The following EFL1 variants were observed in gnomAD, a reference collection of about 807,000 sequenced individuals.
EFL1 encodes elongation factor-like GTPase 1.
Under a neutral mutation model 126.7 loss-of-function variants are expected in EFL1, and 76 were observed. The observed-to-expected ratio is 0.60, with a 90% CI of 0.50 to 0.73. The LOEUF is 0.73. Among genes scored for constraint, EFL1 ranks in the 30% least tolerant of loss-of-function variants. The pLI is 0.00. For missense variants in EFL1, 1,128 were observed against 1,343.2 expected (o/e 0.84, Z 2.50); for synonymous variants, 410 against 448.4 (o/e 0.91, Z 1.08).
At chr15:82,235,500 T>C (rs909475514) in intron 7 of EFL1, among the ~76,000 whole-genome samples, 3 of 152,100 alleles carry the variant, frequency 2.0e-5, no homozygotes, top group African/African-American at 7.2e-5. Flanking sequence ...TAAAAATCAA[T>C]TGTATATAAA....
At chr15:82,145,873 CTT>C (rs2073840254) in intron 18 of EFL1, among the ~76,000 whole-genome samples, 1 of 148,692 alleles carries the variant, frequency 6.7e-6, no homozygotes, top group African/African-American at 2.5e-5. Context: ...CCAAAAAACT[CTT>C]AACTAGTACT....
chr15:82,257,974 C>A (rs977989884), intron 3 of EFL1, among the ~76,000 whole-genome samples: 1 of 152,154 alleles, frequency 6.6e-6, no homozygotes, highest in Non-Finnish European at 1.5e-5. Context: ...TTTCACTCAA[C>A]CTAGTTTTCT....
chr15:82,243,538 T>C (rs546650559), intron 4 of EFL1, among the ~76,000 whole-genome samples: 5 of 38,442 alleles, frequency 1.3e-4, no homozygotes, highest in African/African-American at 5.6e-4. Context: ...CTCCAGACTT[T>C]AGAGTGGGAG....
At chr15:82,141,647 C>T (rs551082377) in intron 18 of EFL1, among the ~76,000 whole-genome samples, 4 of 143,864 alleles carry the variant, frequency 2.8e-5, no homozygotes, top group African/African-American at 7.8e-5. Flanking sequence ...GCACTCCAAC[C>T]TGGGCAATAG....
chr15:82,138,441 T>A (rs2141212827), intron 19 of EFL1, among the ~76,000 whole-genome samples: 2 of 151,630 alleles, frequency 1.3e-5, no homozygotes, highest in South Asian at 4.2e-4. Context: ...TGTGTGTGTG[T>A]GTGTGTGTGT....
At chr15:82,187,907 A>G (rs2074319321) in intron 15 of EFL1, among the ~76,000 whole-genome samples, 2 of 152,090 alleles carry the variant, frequency 1.3e-5, no homozygotes, top group South Asian at 2.1e-4. Flanking sequence ...ATTTTGTCCT[A>G]TATTTCACGG....
At chr15:82,138,420 G>GAGAC (rs1367350635) in intron 19 of EFL1, among the ~76,000 whole-genome samples, 6 of 120,498 alleles carry the variant, frequency 5.0e-5, no homozygotes, top group Non-Finnish European at 8.6e-5. Context: ...GAGAGAGAGA[G>GAGAC]AGAGAGTGTA....
intron 3 of EFL1, among the ~76,000 whole-genome samples, chr15:82,254,288 C>T (rs1468723561): frequency 6.6e-6 from 1 of 152,136 alleles, no homozygotes; most frequent in African/African-American, 2.4e-5. Flanking sequence ...CCTTAGATCC[C>T]ACTGCTGGTT....
intron 14 of EFL1, among the ~76,000 whole-genome samples, chr15:82,218,480 A>G (rs911230769): frequency 7.9e-5 from 12 of 152,186 alleles, no homozygotes; most frequent in African/African-American, 2.9e-4. Context: ...TGGATTGTTC[A>G]TGGAATTTGT....
At chr15:82,205,943 C>G (rs2074520255) in intron 15 of EFL1, among the ~76,000 whole-genome samples, 1 of 152,192 alleles carries the variant, frequency 6.6e-6, no homozygotes, top group Non-Finnish European at 1.5e-5. Flanking sequence ...GTAAAATAAG[C>G]ATTTTATCAA....
chr15:82,163,938 A>G lies in EFL1; in HGVS notation c.1797T>C (p.Cys599=). ...QDFVLKSATL[C]SLPSCPPFIP... ...TAAATGGTGGGCAGGATGGCAGGCT[A>G]CACAGTGTTGCAGATTTCAGCACAA... The change falls in exon 16 of 20, where the codon TGT becomes TGC. Residue 599 remains cysteine (C), a synonymous_variant. Coordinates refer to ENST00000268206, the MANE Select transcript of EFL1 (RefSeq NM_024580.6). The G allele has an allele frequency of 6.2e-7, 1 of 1,614,132 alleles. No individual in the cohort carries two copies. Among genetic ancestry groups the G allele is most frequent in the South Asian group, 1.1e-5 (1 of 91,080 alleles).
chr15:82,152,744 T>C (rs945229008), intron 17 of EFL1, among the ~76,000 whole-genome samples: 9 of 152,158 alleles, frequency 5.9e-5, no homozygotes, highest in African/African-American at 2.2e-4. Context: ...AATGTTTTAA[T>C]ATATGAAATA....
At chr15:82,227,829 G>A (rs2074780484) in intron 10 of EFL1, among the ~76,000 whole-genome samples, 1 of 152,186 alleles carries the variant, frequency 6.6e-6, no homozygotes, top group South Asian at 2.1e-4. Flanking sequence ...AATGAGAACA[G>A]AGCTTAGCAG....
intron 17 of EFL1, among the ~76,000 whole-genome samples, chr15:82,154,051 C>A (rs1455604500): frequency 6.6e-6 from 1 of 152,164 alleles, no homozygotes; most frequent in Non-Finnish European, 1.5e-5. Flanking sequence ...GAGCTATGAG[C>A]CACTTTAGTC....
chr15:82,254,148 T>C (rs1043412681), intron 3 of EFL1, among the ~76,000 whole-genome samples: 2 of 152,224 alleles, frequency 1.3e-5, no homozygotes, highest in Non-Finnish European at 2.9e-5. Flanking sequence ...CGAAACGCAA[T>C]AATCATTCTC....
At chr15:82,167,885 C>CT (rs1399282454) in intron 15 of EFL1, among the ~76,000 whole-genome samples, 1 of 152,216 alleles carries the variant, frequency 6.6e-6, no homozygotes, top group Non-Finnish European at 1.5e-5. Flanking sequence ...TTCAAACTGA[C>CT]TTTAACATTC....
rs4725 is a variant in EFL1 at position 82,151,598 on chromosome 15, G to C, written c.2856C>G (p.Asp952Glu). 2.5e-6 allele frequency: 4 copies of C among 1,613,850 alleles called. No homozygotes were observed. Among genetic ancestry groups the C allele is most frequent in the Non-Finnish European group, 3.4e-6 (4 of 1,179,996 alleles). Residue 952 changes from aspartate to glutamate, a missense_variant, in exon 18 of 20, where the codon GAC becomes GAG. Around this residue, in one of 6 missense-constraint regions of EFL1, gnomAD observed 561 missense variants for 641.7 expected, o/e 0.87. Transcript: ENST00000268206. ...TSQKGESPLT[D>E]CYGPFSGQLI... ...GCTGTCCTGAGAAAGGTCCATAGCA[G>C]TCAGTGAGTGGAGATTCTCCTTTCT...
At chr15:82,245,281 AGC>A (rs2074961602) in intron 4 of EFL1, among the ~76,000 whole-genome samples, 1 of 151,932 alleles carries the variant, frequency 6.6e-6, no homozygotes, top group African/African-American at 2.4e-5. Flanking sequence ...CCTCCCAAGT[AGC>A]AGGGACTGCA....
Position 82,199,896 on chromosome 15 carries a change from T to C in EFL1, c.1750+14821A>G, listed in dbSNP as rs539218072. Among the ~76,000 whole-genome samples the C allele has an allele frequency of 2.6e-5, 4 of 152,316 alleles. No individual in the cohort carries two copies. The East Asian group carries it at 5.8e-4, about 22-fold the overall frequency. ...ATTTCAAGTTTATATAGAATAAATGTTTAAAAATAGCCCCCAATTATTAAA... is the reference window on the plus strand; with the variant it reads ...ATTTCAAGTTTATATAGAATAAATGCTTAAAAATAGCCCCCAATTATTAAA... On this transcript the variant is annotated intron_variant, in intron 15 of 19. Coordinates refer to ENST00000268206, the MANE Select transcript of EFL1 (RefSeq NM_024580.6).
Sources: gnomAD v4.1 joint callset for allele counts (sites outside exome capture counted in the v4.1 genomes callset) on GRCh38, gnomAD v4.1.1 for gene constraint, gnomAD v4.1.1 regional missense constraint, MANE v1.5 for transcripts, NCBI Gene and HGNC (gene_info 2026-07-23, HGNC 2026-07-21) for gene names.